Variants in GPHN observed in about 807,000 individuals in gnomAD.
GPHN encodes gephyrin.
Under a neutral mutation model 95.5 loss-of-function variants are expected in GPHN, and 17 were observed. That is an observed-to-expected ratio of 0.18 (90% CI 0.12 to 0.27). The LOEUF (loss-of-function observed/expected upper bound fraction) is 0.27, where lower values mean the gene tolerates loss of function less well. GPHN is among the 10% of genes least tolerant of loss of function. The pLI is 1.00. For synonymous variants in GPHN, 320 were observed against 322.5 expected, an observed-to-expected ratio of 0.99 and a Z score of 0.08; for missense variants, 660 against 978.1, an observed-to-expected ratio of 0.67 and a Z score of 4.34.
At chr14:66,938,740 T>C (rs1038342909) in intron 8 of GPHN, among the ~76,000 whole-genome samples, 4 of 152,220 alleles carry the variant, frequency 2.6e-5, no homozygotes, top group African/African-American at 9.7e-5. Flanking sequence ...ATAAGCATAA[T>C]CTTCAGGTAA....
chr14:67,682,849 T>C, the GPHN span, among the ~76,000 whole-genome samples: 4 of 152,228 alleles, frequency 2.6e-5, no homozygotes, highest in African/African-American at 7.2e-5. Context: ...ACCTGATGAA[T>C]GAATAAATAA....
chr14:67,717,193 A>G, the GPHN span, among the ~76,000 whole-genome samples: 2 of 152,164 alleles, frequency 1.3e-5, no homozygotes, highest in Non-Finnish European at 2.9e-5. Flanking sequence ...AGTCTTAAGT[A>G]TATATTTGCT....
At chr14:66,650,368 T>C (rs1392241018) in intron 1 of GPHN, among the ~76,000 whole-genome samples, 1 of 152,186 alleles carries the variant, frequency 6.6e-6, no homozygotes, top group Non-Finnish European at 1.5e-5. Flanking sequence ...CAAATGTGTC[T>C]CCACTGAGAC....
chr14:67,476,206 C>T, the GPHN span, among the ~76,000 whole-genome samples: 66 of 152,340 alleles, frequency 4.3e-4, 1 homozygote, highest in African/African-American at 1.5e-3. Context: ...CTGAAGCAGG[C>T]CTGGTCACAT....
At chr14:66,780,170 A>G (rs1024561694) in intron 3 of GPHN, among the ~76,000 whole-genome samples, 22 of 152,184 alleles carry the variant, frequency 1.4e-4, no homozygotes, top group African/African-American at 3.9e-4. Context: ...TGGAGACAGA[A>G]TATTATTAAT....
At chr14:67,275,469 C>G in the GPHN span, among the ~76,000 whole-genome samples, 4 of 152,096 alleles carry the variant, frequency 2.6e-5, no homozygotes, top group East Asian at 7.7e-4. Flanking sequence ...AGGGATGAAG[C>G]CCATTTGATT....
At chr14:66,965,987 T>A (rs139001129) in intron 9 of GPHN, among the ~76,000 whole-genome samples, 1 of 152,270 alleles carries the variant, frequency 6.6e-6, no homozygotes, top group Non-Finnish European at 1.5e-5. Flanking sequence ...GCAGACATTA[T>A]TACTGCTGTG....
intron 1 of GPHN, among the ~76,000 whole-genome samples, chr14:66,516,856 G>T (rs975993615): frequency 6.6e-6 from 1 of 152,134 alleles, no homozygotes; most frequent in Non-Finnish European, 1.5e-5. Context: ...ACTGAGCCAG[G>T]CACAGGGGCT....
At chr14:67,333,610 T>C in the GPHN span, 1 of 152,746 alleles carries the variant, frequency 6.5e-6, no homozygotes, top group Non-Finnish European at 1.5e-5. Flanking sequence ...ACTTTGTGGA[T>C]CAGACTCTAC....
the GPHN span, among the ~76,000 whole-genome samples, chr14:67,657,560 G>C: frequency 2.0e-5 from 3 of 151,834 alleles, no homozygotes; most frequent in African/African-American, 7.3e-5. Flanking sequence ...AACGGAGGCA[G>C]CTCCAAGTTC....
intron 11 of GPHN, 44 bp from the exon 12 acceptor site, chr14:67,088,939 A>G (rs946064404): frequency 2.5e-5 from 27 of 1,099,110 alleles, no homozygotes; most frequent in African/African-American, 2.1e-4. Context: ...CTGCTTACCC[A>G]TTGCTCTCCA....
chr14:66,508,509 G>T lies in GPHN; in HGVS notation c.-19G>T. 6.2e-7 allele frequency: 1 copy of T among 1,613,180 alleles called. No individual in the cohort carries two copies. The highest frequency in any genetic ancestry group is 8.5e-7 in the Non-Finnish European group (1 of 1,179,164). On this transcript the variant is annotated 5_prime_UTR_variant, in exon 1 of 23. Transcript: ENST00000478722. Reference sequence around the variant, plus strand: ...GGTTTCTCCCGGCTCCTGTCAGTGCGGTGACTGCGCTGGGAAACATGGCGA... The same window carrying T: ...GGTTTCTCCCGGCTCCTGTCAGTGCTGTGACTGCGCTGGGAAACATGGCGA...
At chr14:66,698,645 C>T (rs1479437763) in intron 2 of GPHN, among the ~76,000 whole-genome samples, 6 of 152,226 alleles carry the variant, frequency 3.9e-5, no homozygotes, top group Middle Eastern at 3.4e-3. Flanking sequence ...TATGTATTAC[C>T]TATGGGTGGT....
intron 1 of GPHN, among the ~76,000 whole-genome samples, chr14:66,558,424 A>G (rs545727912): frequency 1.3e-5 from 2 of 152,312 alleles, no homozygotes; most frequent in African/African-American, 4.8e-5. Flanking sequence ...CTGTAATCTG[A>G]ACAAATGAAG....
At chr14:67,469,953 C>T in the GPHN span, among the ~76,000 whole-genome samples, 1 of 152,182 alleles carries the variant, frequency 6.6e-6, no homozygotes, top group Non-Finnish European at 1.5e-5. Flanking sequence ...GCAACTGCAG[C>T]CAACCTGCAG....
intron 1 of GPHN, among the ~76,000 whole-genome samples, chr14:66,541,945 A>G (rs540277893): frequency 6.6e-6 from 1 of 152,290 alleles, no homozygotes; most frequent in South Asian, 2.1e-4. Flanking sequence ...GACACAGATG[A>G]TAATTAACGT....
intron 2 of GPHN, among the ~76,000 whole-genome samples, chr14:66,757,359 C>T (rs375509215): frequency 3.7e-5 from 4 of 108,668 alleles, no homozygotes; most frequent in Non-Finnish European, 6.6e-5. Flanking sequence ...CACACACACA[C>T]ACAAATATAA....
chr14:67,632,882 G>A, the GPHN span, among the ~76,000 whole-genome samples: 4 of 135,308 alleles, frequency 3.0e-5, no homozygotes, highest in East Asian at 2.3e-4. Context: ...GTGCAGTGGC[G>A]TGATCTCGGC....
chr14:67,380,953 A>T, the GPHN span, among the ~76,000 whole-genome samples: 1 of 152,198 alleles, frequency 6.6e-6, no homozygotes, highest in Non-Finnish European at 1.5e-5. Flanking sequence ...TATTGACACA[A>T]GTAGAAACAG....
Sources: allele counts gnomAD v4.1 joint callset (sites outside exome capture counted in the v4.1 genomes callset), GRCh38; gene constraint gnomAD v4.1.1; transcripts MANE v1.5; gene names NCBI Gene and HGNC (gene_info 2026-07-23, HGNC 2026-07-21).